Variants in VAT1L observed in about 807,000 individuals in gnomAD.
VAT1L encodes the protein vesicle amine transport 1 like.
In VAT1L, 34 loss-of-function variants were observed where a neutral mutation model predicts 44.1. The observed-to-expected ratio is 0.77, with a 90% CI of 0.59 to 1.03. The LOEUF (loss-of-function observed/expected upper bound fraction) is 1.03, where lower values mean the gene tolerates loss of function less well. Ranked by LOEUF, VAT1L falls within the 50% of genes least tolerant of loss-of-function variation. The pLI is 0.00. For missense variants in VAT1L, 615 were observed against 538.8 expected, an observed-to-expected ratio of 1.14 and a Z score of -1.40; for synonymous variants, 253 against 202.2, an observed-to-expected ratio of 1.25 and a Z score of -2.13.
intron 7 of VAT1L, among the ~76,000 whole-genome samples, chr16:77,964,134 C>G (rs2018194608): frequency 1.3e-5 from 2 of 152,062 alleles, no homozygotes; most frequent in Admixed American, 1.3e-4. Flanking sequence ...ATATGTTCCC[C>G]CTCTCCCTGA....
intron 4 of VAT1L, among the ~76,000 whole-genome samples, chr16:77,870,561 C>A (rs2017020972): frequency 6.6e-6 from 1 of 152,150 alleles, no homozygotes; most frequent in Non-Finnish European, 1.5e-5. Flanking sequence ...GGGCCCGGGG[C>A]TGGGGACACA....
At chr16:77,796,704 A>G (rs1286308198) in intron 1 of VAT1L, among the ~76,000 whole-genome samples, 1 of 152,236 alleles carries the variant, frequency 6.6e-6, no homozygotes, top group African/African-American at 2.4e-5. Context: ...TTTTACATAC[A>G]GAACTAGGAC....
intron 7 of VAT1L, among the ~76,000 whole-genome samples, chr16:77,921,747 C>CT (rs1394414882): frequency 1.3e-5 from 2 of 152,018 alleles, no homozygotes; most frequent in Admixed American, 6.6e-5. Flanking sequence ...AACTTGTACA[C>CT]TTTTTTTTCT....
intron 7 of VAT1L, among the ~76,000 whole-genome samples, chr16:77,960,687 T>A (rs562419726): frequency 9.9e-5 from 15 of 152,162 alleles, no homozygotes; most frequent in African/African-American, 3.6e-4. Context: ...CATGGGGGAA[T>A]GAATAGAGGC....
intron 7 of VAT1L, among the ~76,000 whole-genome samples, chr16:77,946,276 G>GCTCTTTTTTTT (rs1441996306): frequency 1.9e-3 from 64 of 33,850 alleles, no homozygotes; most frequent in Non-Finnish European, 2.8e-3. Context: ...TAGGTTACTT[G>GCTCTTTTTTTT]TTCTTTTTTT....
chr16:77,870,556 C>T (rs945814410), intron 4 of VAT1L, among the ~76,000 whole-genome samples: 15 of 152,138 alleles, frequency 9.9e-5, no homozygotes, highest in African/African-American at 2.9e-4. Context: ...ATCCAGGGCC[C>T]GGGGCTGGGG....
intron 3 of VAT1L, among the ~76,000 whole-genome samples, chr16:77,847,897 T>A (rs2016772970): frequency 6.6e-6 from 1 of 152,202 alleles, no homozygotes; most frequent in African/African-American, 2.4e-5. Flanking sequence ...CAAAGAAATA[T>A]CAAGAACTGC....
intron 4 of VAT1L, among the ~76,000 whole-genome samples, chr16:77,874,933 G>A (rs1195910647): frequency 6.6e-6 from 1 of 151,744 alleles, no homozygotes; most frequent in African/African-American, 2.4e-5. Flanking sequence ...ATTAGCAGTG[G>A]CAGCAGCACC....
intron 7 of VAT1L, among the ~76,000 whole-genome samples, chr16:77,893,813 A>G (rs144253956): frequency 7.9e-5 from 12 of 152,314 alleles, no homozygotes; most frequent in Middle Eastern, 3.4e-3. Flanking sequence ...GAACCCCAGG[A>G]AAGTCTGATG....
chr16:77,841,975 C>T (rs1451325207), intron 3 of VAT1L, among the ~76,000 whole-genome samples: 1 of 152,030 alleles, frequency 6.6e-6, no homozygotes, highest in Non-Finnish European at 1.5e-5. Context: ...GCAAGCTCCA[C>T]CTCCCGGGTT....
chr16:77,881,552 G>A (rs1110605), intron 6 of VAT1L, among the ~76,000 whole-genome samples: 85,587 of 152,146 alleles, frequency 0.56, 24,555 homozygotes, highest in Middle Eastern at 0.63. Flanking sequence ...TTCTAAGTAT[G>A]GCACTATGTG....
In VAT1L at chr16:77,891,087, G is replaced by A. The variant is rs1323128850; in HGVS notation, c.1077+6285G>A. 2.0e-5 allele frequency among the ~76,000 whole-genome samples: 3 copies of A among 152,134 alleles called. No individual in the cohort carries two copies. The East Asian group carries it at 5.8e-4, about 29-fold the overall frequency. ...TTCAGCTTCTCGGCCGGGCGTGGTG[G>A]CTCATGCCTGTAATCCCAGCACTTT... On this transcript the variant is annotated intron_variant, in intron 7 of 8. Coordinates refer to ENST00000302536, the MANE Select transcript of VAT1L (RefSeq NM_020927.3).
intron 2 of VAT1L, 96 bp downstream of exon 2, chr16:77,817,146 G>A (rs2016370711): frequency 4.7e-6 from 7 of 1,496,990 alleles, no homozygotes; most frequent in Non-Finnish European, 6.3e-6. Context: ...ATAACCTATG[G>A]CGTGCATTAT....
chr16:77,829,959 A>C (rs1028275802), intron 3 of VAT1L, among the ~76,000 whole-genome samples: 2 of 152,204 alleles, frequency 1.3e-5, no homozygotes, highest in Non-Finnish European at 2.9e-5. Context: ...TGAGGGTTAG[A>C]GAAAATGAAG....
At chr16:77,973,626 T>C (rs1274975097) in intron 8 of VAT1L, among the ~76,000 whole-genome samples, 1 of 151,512 alleles carries the variant, frequency 6.6e-6, no homozygotes, top group Non-Finnish European at 1.5e-5. Context: ...AAGTGTTTCT[T>C]GTTTCTTCAT....
chr16:77,801,219 C>A (rs1398250182), intron 1 of VAT1L: 2 of 151,850 alleles, frequency 1.3e-5, no homozygotes, highest in African/African-American at 2.4e-5. Flanking sequence ...GCATCCTACC[C>A]GTGAAAAAGC....
At chr16:77,926,058 C>G (rs1369220578) in intron 7 of VAT1L, among the ~76,000 whole-genome samples, 2 of 150,082 alleles carry the variant, frequency 1.3e-5, no homozygotes, top group Non-Finnish European at 3.0e-5. Context: ...GTCAGGAGAT[C>G]GAGACCATCC....
chr16:77,824,055 C>T lies in VAT1L; in HGVS notation c.364-1191C>T, dbSNP rs150174320. 5.1e-3 allele frequency among the ~76,000 whole-genome samples: 771 copies of T among 152,192 alleles called. 3 individuals carry two copies. Among genetic ancestry groups the T allele is most frequent in the Middle Eastern group, 0.01 (3 of 294 alleles). ...AAAAAGAAAAGAAAAAGAAAAACCT[C>T]GCATGAGGAGGAATCCATTCTCCAG... On this transcript the variant is annotated intron_variant, in intron 2 of 8. Transcript: ENST00000302536.
intron 2 of VAT1L, among the ~76,000 whole-genome samples, chr16:77,820,186 A>G (rs1211240077): frequency 6.6e-6 from 1 of 152,170 alleles, no homozygotes; most frequent in Admixed American, 6.6e-5. Context: ...TTTCAAGAGG[A>G]TTGAGGTAGA....
Sources: gnomAD v4.1 joint callset for allele counts (sites outside exome capture counted in the v4.1 genomes callset) on GRCh38, gnomAD v4.1.1 for gene constraint, MANE v1.5 for transcripts, NCBI Gene and HGNC (gene_info 2026-07-23, HGNC 2026-07-21) for gene names.